PCDHAC1: variants seen among roughly 807,000 people sequenced by gnomAD.
The protein encoded by PCDHAC1 is protocadherin alpha subfamily C, 1.
PCDHAC1 carries 42 observed loss-of-function variants against 60.0 expected under a neutral mutation model. The observed-to-expected ratio is 0.70, with a 90% confidence interval of 0.55 to 0.90. The LOEUF is 0.90. Ranked by LOEUF, PCDHAC1 falls within the 40% of genes least tolerant of loss-of-function variation. The pLI is 0.00. For missense variants in PCDHAC1, 1,160 were observed against 1,222.3 expected (o/e 0.95, Z 0.76); for synonymous variants, 468 against 499.3 (o/e 0.94, Z 0.84).
intron 3 of PCDHAC1, among the ~76,000 whole-genome samples, chr5:140,983,182 C>G (rs782457174): frequency 1.3e-5 from 2 of 152,188 alleles, no homozygotes; most frequent in Non-Finnish European, 2.9e-5. Flanking sequence ...CTCACAATTT[C>G]TTAGTTTAGA....
Position 140,927,671 on chromosome 5 carries a change from C to T in PCDHAC1, c.779C>T (p.Pro260Leu), listed in dbSNP as rs2084485955. 1 of 1,614,198 alleles carries T rather than the reference C, an allele frequency of 6.2e-7. No homozygotes were observed. Among genetic ancestry groups the T allele is most frequent in the Non-Finnish European group, 8.5e-7 (1 of 1,180,048 alleles). The change falls in exon 1 of 4, where the codon CCA becomes CTA. Residue 260 changes from proline (P) to leucine (L), a missense_variant. By Grantham distance (98) the Pro-to-Leu change is moderately conservative. Transcript: ENST00000253807. ...TVLFRVQALDPDEGSNGEVQY... is the reference protein window; with the variant it reads ...TVLFRVQALDLDEGSNGEVQY... ...TTATTCCGAGTTCAAGCCTTGGATC[C>T]AGATGAAGGGTCCAATGGGGAAGTC...
intron 1 of PCDHAC1, among the ~76,000 whole-genome samples, chr5:140,939,605 G>GAACAAGGA (rs1468383916): frequency 1.3e-5 from 2 of 152,082 alleles, no homozygotes; most frequent in African/African-American, 4.8e-5. Flanking sequence ...CTCAAAAACA[G>GAACAAGGA]AACAAGGAGA....
chr5:140,964,964 C>A (rs1035701368), intron 1 of PCDHAC1, among the ~76,000 whole-genome samples: 1 of 152,094 alleles, frequency 6.6e-6, no homozygotes, highest in Non-Finnish European at 1.5e-5. Flanking sequence ...GTTGGTGGAA[C>A]GAAGGGATGT....
At chr5:140,953,408 TG>T (rs782455726) in intron 1 of PCDHAC1, among the ~76,000 whole-genome samples, 5 of 152,168 alleles carry the variant, frequency 3.3e-5, no homozygotes, top group Non-Finnish European at 5.9e-5. Context: ...CTGTTGCTCC[TG>T]GCTCCTCCCC....
In PCDHAC1 at chr5:141,011,816, A is replaced by G. The variant is rs1382441831; in HGVS notation, c.*1879A>G. The G allele has an allele frequency of 1.3e-5, 2 of 153,794 alleles. No homozygotes were observed. Among genetic ancestry groups the G allele is most frequent in the Admixed American group, 1.3e-4 (2 of 15,280 alleles). The allele number at this position is 153,794 out of a possible 1,614,324, so 9.5% of individuals were successfully genotyped here. On this transcript the variant is annotated 3_prime_UTR_variant, in exon 4 of 4. Transcript: ENST00000253807. ...TCTGAAATATCAGCTCATAGAAAGT[A>G]ACAAAATTTGCTGTCACCTTAAATA...
chr5:140,968,719 G>C lies in PCDHAC1; in HGVS notation c.2434-10230G>C. The C allele has an allele frequency of 1.9e-6, 3 of 1,614,148 alleles. No homozygotes were observed. Among genetic ancestry groups the C allele is most frequent in the African/African-American group, 1.3e-5 (1 of 75,038 alleles). ...GGACTACCAGGAAGATGGGAGATGA[G>C]AGTGGTAGCACTTTCAACCTGACCG... On this transcript the variant is annotated intron_variant, in intron 1 of 3. Transcript: ENST00000253807.
intron 1 of PCDHAC1, among the ~76,000 whole-genome samples, chr5:140,971,471 G>A (rs1274091500): frequency 1.3e-5 from 2 of 152,172 alleles, no homozygotes; most frequent in African/African-American, 4.8e-5. Context: ...TATAGGGAGA[G>A]AGTGTCACAT....
In PCDHAC1 at chr5:140,926,997, C is replaced by T. The variant is rs782110120; in HGVS notation, c.105C>T (p.Ala35=). 3 of 1,612,104 alleles carry T rather than the reference C, an allele frequency of 1.9e-6. No individual in the cohort carries two copies. The highest frequency in any genetic ancestry group is 3.3e-5 in the Admixed American group (2 of 59,874). ...SVPEETERGV[A]VGNLSADLRL... Reference sequence around the variant, plus strand: ...CGGAGGAGACGGAGCGGGGCGTAGCCGTAGGCAATCTCTCCGCGGACTTGA... The same window carrying T: ...CGGAGGAGACGGAGCGGGGCGTAGCTGTAGGCAATCTCTCCGCGGACTTGA... Residue 35 remains alanine (A), a synonymous_variant, in exon 1 of 4, where the codon GCC becomes GCT. Transcript: ENST00000253807.
In PCDHAC1 at chr5:140,927,861, C is replaced by T. The variant is rs782305822; in HGVS notation, c.969C>T (p.Thr323=). The T allele has an allele frequency of 1.2e-6, 2 of 1,614,042 alleles. No homozygotes were observed. Among genetic ancestry groups the T allele is most frequent in the East Asian group, 2.2e-5 (1 of 44,880 alleles). ...RDEGVFGLAS[T]AKLLVEVTDV... ...AAGGTGTCTTTGGTTTAGCTAGCAC[C>T]GCTAAACTGCTGGTGGAGGTGACTG... The change falls in exon 1 of 4, where the codon ACC becomes ACT. Residue 323 remains threonine, a synonymous_variant. Coordinates refer to ENST00000253807, the MANE Select transcript of PCDHAC1 (RefSeq NM_018898.5).
At position 140,927,824 on chromosome 5, in the gene PCDHAC1, A is replaced by C; in HGVS notation, c.932A>C (p.Glu311Ala). 6.2e-7 allele frequency: 1 copy of C among 1,614,182 alleles called. No homozygotes were observed. The highest frequency in any genetic ancestry group is 8.5e-7 in the Non-Finnish European group (1 of 1,180,024). The change falls in exon 1 of 4, where the codon GAG (glutamate) becomes GCG (alanine). Residue 311 changes from glutamate (E) to alanine (A), a missense_variant. By Grantham distance (107) the Glu-to-Ala change is moderately radical. Coordinates refer to ENST00000253807, the MANE Select transcript of PCDHAC1 (RefSeq NM_018898.5). ...GAAACGCTCTTGGAGGCATACATTG[A>C]GGCGAGGGACGAAGGTGTCTTTGGT... ...PPETLLEAYI[E>A]ARDEGVFGLA... is the part of the protein sequence containing the mutation.
Position 140,926,923 on chromosome 5 carries a change from T to C in PCDHAC1, c.31T>C (p.Leu11=), listed in dbSNP as rs532425369. Residue 11 remains leucine, a synonymous_variant, in exon 1 of 4, where the codon TTG becomes CTG. Transcript: ENST00000253807. MVGCGVAVLC[L]WVSCGAAAGQ... is the part of the protein sequence containing the mutation. ...GGGCTGTGGGGTGGCAGTTTTATGT[T>C]TGTGGGTTTCCTGCGGCGCTGCAGC... 35 of 1,571,554 alleles carry C rather than the reference T, an allele frequency of 2.2e-5. No homozygotes were observed. The East Asian group carries it at 6.5e-4, about 29-fold the overall frequency.
chr5:140,983,146 G>T (rs894953025), intron 3 of PCDHAC1, among the ~76,000 whole-genome samples: 3 of 152,140 alleles, frequency 2.0e-5, no homozygotes, highest in Non-Finnish European at 4.4e-5. Flanking sequence ...TAGTGCCTTG[G>T]CATGCATGTT....
At chr5:140,946,948 T>C (rs1315606645) in intron 1 of PCDHAC1, among the ~76,000 whole-genome samples, 2 of 151,534 alleles carry the variant, frequency 1.3e-5, no homozygotes, top group African/African-American at 4.8e-5. Context: ...TTAAGAATAA[T>C]GTATATTTCA....
intron 1 of PCDHAC1, among the ~76,000 whole-genome samples, chr5:140,937,123 C>T (rs1255527159): frequency 1.3e-5 from 2 of 151,390 alleles, no homozygotes; most frequent in Non-Finnish European, 2.9e-5. Context: ...CTGCAAGCTC[C>T]GCCTCCCGGG....
At chr5:140,942,580 G>A (rs782743450) in intron 1 of PCDHAC1, among the ~76,000 whole-genome samples, 4 of 151,104 alleles carry the variant, frequency 2.6e-5, no homozygotes, top group Non-Finnish European at 5.9e-5. Flanking sequence ...TCCCATATAG[G>A]ATGTCACATA....
intron 1 of PCDHAC1, among the ~76,000 whole-genome samples, chr5:140,970,131 A>G (rs1554232260): frequency 6.6e-6 from 1 of 152,186 alleles, no homozygotes; most frequent in Non-Finnish European, 1.5e-5. Context: ...GAAGGAAGAG[A>G]AGGGAAAAAG....
intron 1 of PCDHAC1, among the ~76,000 whole-genome samples, chr5:140,934,801 A>G (rs1470129792): frequency 1.3e-5 from 2 of 152,194 alleles, no homozygotes; most frequent in Non-Finnish European, 2.9e-5. Flanking sequence ...TATCTTTTTA[A>G]TGATCAAATT....
At chr5:140,959,719 A>G (rs986383146) in intron 1 of PCDHAC1, among the ~76,000 whole-genome samples, 4 of 152,366 alleles carry the variant, frequency 2.6e-5, no homozygotes, top group African/African-American at 9.6e-5. Context: ...AAATTTTTAG[A>G]TAACATTATC....
At chr5:140,957,225 G>C (rs1585702621) in intron 1 of PCDHAC1, among the ~76,000 whole-genome samples, 1 of 152,072 alleles carries the variant, frequency 6.6e-6, no homozygotes, top group Admixed American at 6.6e-5. Flanking sequence ...ATTTGGCGAA[G>C]CATTTTGGCA....
Sources: allele counts gnomAD v4.1 joint callset (sites outside exome capture counted in the v4.1 genomes callset), GRCh38; gene constraint gnomAD v4.1.1; transcripts MANE v1.5; gene names NCBI Gene and HGNC (gene_info 2026-07-23, HGNC 2026-07-21).